Variants in UBE4A observed in about 807,000 individuals in gnomAD.
The protein encoded by UBE4A is ubiquitination factor E4A.
A neutral mutation model predicts 117.9 loss-of-function variants in UBE4A; 48 were observed. The ratio of observed to expected loss-of-function variants is 0.41; its 90% CI spans 0.32 to 0.52. The LOEUF is 0.52. Among genes scored for constraint, UBE4A ranks in the 20% least tolerant of loss-of-function variants. The probability of loss-of-function intolerance (pLI) is 0.33; values close to 1 mark genes in which losing one functional copy is unlikely to be tolerated. For synonymous variants in UBE4A, 407 were observed against 450.0 expected (o/e 0.90, Z 1.21); for missense variants, 1,067 against 1,296.3 (o/e 0.82, Z 2.72).
intron 19 of UBE4A, among the ~76,000 whole-genome samples, chr11:118,393,186 G>T (rs1439998325): frequency 2.0e-5 from 3 of 152,122 alleles, no homozygotes; most frequent in Non-Finnish European, 4.4e-5. Flanking sequence ...GGAGGCCGAG[G>T]CAGGTGGATC....
intron 19 of UBE4A, among the ~76,000 whole-genome samples, chr11:118,393,947 C>T (rs942043339): frequency 6.6e-6 from 1 of 152,122 alleles, no homozygotes; most frequent in African/African-American, 2.4e-5. Flanking sequence ...GATTAACTCA[C>T]GTTCTGTTGC....
In UBE4A at chr11:118,390,669, T is replaced by C; in HGVS notation, c.2781T>C (p.Asn927=). ...TIYLNLGDEE[N]FCATVPKDGR... Reference sequence around the variant, plus strand: ...GCTAATGTTCCAGGGATGAGGAGAATTTCTGTGCCACTGTGCCCAAGGATG... The same window carrying C: ...GCTAATGTTCCAGGGATGAGGAGAACTTCTGTGCCACTGTGCCCAAGGATG... The change falls in exon 18 of 20, where the codon AAT becomes AAC. Residue 927 remains asparagine (N), a synonymous_variant. Transcript: ENST00000252108. 1.3e-6 allele frequency: 2 copies of C among 1,519,280 alleles called. No homozygotes were observed. The highest frequency in any genetic ancestry group is 1.8e-6 in the Non-Finnish European group (2 of 1,137,794). The allele number at this position is 1,519,280 out of a possible 1,614,324, so 94.1% of individuals were successfully genotyped here.
At chr11:118,370,667 G>A (rs1032807626) in intron 4 of UBE4A, among the ~76,000 whole-genome samples, 14 of 151,946 alleles carry the variant, frequency 9.2e-5, no homozygotes, top group Non-Finnish European at 1.9e-4. Context: ...ATAAAGAAAA[G>A]TTTATTTAGC....
intron 1 of UBE4A, among the ~76,000 whole-genome samples, chr11:118,361,495 C>A (rs537183279): frequency 1.3e-4 from 20 of 152,260 alleles, no homozygotes; most frequent in African/African-American, 4.6e-4. Flanking sequence ...AGTGATCAGT[C>A]CTCCTTTTTC....
At chr11:118,391,750 T>C (rs572291300) in intron 18 of UBE4A, among the ~76,000 whole-genome samples, 24 of 140,690 alleles carry the variant, frequency 1.7e-4, no homozygotes, top group African/African-American at 6.2e-4. Context: ...GCCAAGATAG[T>C]GCCACTGCAC....
intron 12 of UBE4A, 107 bp from the exon 13 acceptor site, chr11:118,382,482 T>A: frequency 1.1e-6 from 1 of 922,554 alleles, no homozygotes; most frequent in Non-Finnish European, 1.4e-6. Flanking sequence ...TCCTTTTTTT[T>A]CCTGTAATAT....
At chr11:118,371,728 G>A (rs1948611847) in intron 5 of UBE4A, 62 bp downstream of exon 5, 19 of 1,518,062 alleles carry the variant, frequency 1.3e-5, no homozygotes, top group Non-Finnish European at 1.7e-5. Context: ...CAGCATGTGG[G>A]CCAGAGTTGG....
At chr11:118,360,766 CAG>C (rs1271524820) in intron 1 of UBE4A, among the ~76,000 whole-genome samples, 1 of 152,156 alleles carries the variant, frequency 6.6e-6, no homozygotes, top group Middle Eastern at 3.4e-3. Flanking sequence ...GAGGAAGTGA[CAG>C]AATTTTGTAG....
Position 118,393,372 on chromosome 11 carries a change from G to A in UBE4A, c.3074+477G>A, listed in dbSNP as rs75100748. 1.1e-4 allele frequency among the ~76,000 whole-genome samples: 16 copies of A among 152,070 alleles called. 1 individual carries two copies. Among genetic ancestry groups the A allele is most frequent in the South Asian group, 8.3e-4 (4 of 4,834 alleles). On this transcript the variant is annotated intron_variant, in intron 19 of 19. Transcript: ENST00000252108. ...GCAGAGGTTGCAATGAGCCGAGATC[G>A]CACCACTGCACTCCAGCCTGGGCTC... is the stretch of plus-strand genomic sequence containing the variant.
chr11:118,396,543 T>TTTTA lies in UBE4A; in HGVS notation c.*106_*107insATTT. ...CTGTTCCTTTTCTTTCTTCTTTTCTTTTTCTTTTTTTTTTTTTTTTTTACT... is the reference window on the plus strand; with the variant it reads ...CTGTTCCTTTTCTTTCTTCTTTTCTTTTTATTTCTTTTTTTTTTTTTTTTTTACT... On this transcript the variant is annotated 3_prime_UTR_variant, in exon 20 of 20. Transcript: ENST00000252108. 7.5e-7 allele frequency: 1 copy of TTTTA among 1,338,280 alleles called. No individual in the cohort carries two copies. The highest frequency in any genetic ancestry group is 9.9e-7 in the Non-Finnish European group (1 of 1,009,948). The allele number at this position is 1,338,280 out of a possible 1,614,324, so 82.9% of individuals were successfully genotyped here.
intron 15 of UBE4A, among the ~76,000 whole-genome samples, chr11:118,385,619 G>A (rs1555127085): frequency 6.6e-6 from 1 of 152,168 alleles, no homozygotes; most frequent in Admixed American, 6.5e-5. Context: ...GCTGTCTGTA[G>A]AGCAAAACTT....
intron 19 of UBE4A, 78 bp from the exon 20 acceptor site, chr11:118,396,236 G>T: frequency 6.6e-7 from 1 of 1,525,370 alleles, no homozygotes. Context: ...AAGATGCGAC[G>T]CCCAGGTGTT....
intron 1 of UBE4A, among the ~76,000 whole-genome samples, chr11:118,363,848 C>T (rs1474009460): frequency 6.6e-6 from 1 of 152,106 alleles, no homozygotes; most frequent in African/African-American, 2.4e-5. Flanking sequence ...GAACTCCTGA[C>T]CTCAGGTGAT....
Position 118,382,692 on chromosome 11 carries a change from C to T in UBE4A, c.2113C>T (p.Arg705Trp), listed in dbSNP as rs782158104. 6.2e-6 allele frequency: 10 copies of T among 1,605,596 alleles called. No individual in the cohort carries two copies. Among genetic ancestry groups the T allele is most frequent in the East Asian group, 2.2e-5 (1 of 44,518 alleles). Reference protein sequence around the residue: ...PNPLVSSVFHRKRVFCNFQYA... With the variant: ...PNPLVSSVFHWKRVFCNFQYA... ...TCCCTTGGTATCCAGTGTGTTCCAC[C>T]GGAAACGTGTGTTCTGCAACTTTCA... Residue 705 changes from arginine (R) to tryptophan (W), a missense_variant, in exon 13 of 20, where the codon CGG (arginine) becomes TGG (tryptophan). Arg to Trp is a moderately radical substitution (Grantham distance 101). Around this residue, in one of 3 missense-constraint regions of UBE4A, gnomAD observed 1,001 missense variants for 1,184.0 expected, o/e 0.85. Transcript: ENST00000252108.
intron 19 of UBE4A, among the ~76,000 whole-genome samples, chr11:118,395,166 T>C (rs1555129370): frequency 6.6e-6 from 1 of 150,936 alleles, no homozygotes; most frequent in African/African-American, 2.4e-5. Context: ...CCATCTCTAC[T>C]AAAAATACAA....
At position 118,396,093 on chromosome 11, in the gene UBE4A, CAAAAAAA is replaced by C. The variant is rs377030115; in HGVS notation, c.3075-211_3075-205del. Among the ~76,000 whole-genome samples, 42 of 80,686 alleles carry C rather than the reference CAAAAAAA, an allele frequency of 5.2e-4. 2 individuals carry two copies. Among genetic ancestry groups the C allele is most frequent in the African/African-American group, 1.1e-3 (24 of 22,424 alleles). The allele number at this position is 80,686 out of a possible 152,430, so 52.9% of individuals were successfully genotyped here. A position where few individuals can be genotyped will look rare whatever the true frequency, so the allele number is the denominator to read the frequency against. On this transcript the variant is annotated intron_variant, in intron 19 of 19. Transcript: ENST00000252108. ...CTGGGCGACAGGGCAAGACTGTCTCCAAAAAAAAAAAAAAAAGAAAGAAAGAAATAGA... is the reference window on the plus strand; with the variant it reads ...CTGGGCGACAGGGCAAGACTGTCTCCAAAAAAAAAGAAAGAAAGAAATAGA...
At chr11:118,396,100 A>G (rs1948869632) in intron 19 of UBE4A, among the ~76,000 whole-genome samples, 1 of 151,900 alleles carries the variant, frequency 6.6e-6, no homozygotes, top group Non-Finnish European at 1.5e-5. Flanking sequence ...CTCCAAAAAA[A>G]AAAAAAAAAG....
chr11:118,361,081 A>C (rs576891567), intron 1 of UBE4A, among the ~76,000 whole-genome samples: 1 of 146,064 alleles, frequency 6.8e-6, no homozygotes, highest in Non-Finnish European at 1.5e-5. Flanking sequence ...CAGTGGCACG[A>C]TCTCAGCTCA....
At position 118,379,462 on chromosome 11, in the gene UBE4A, G is replaced by T. The variant is rs1948681409; in HGVS notation, c.1588G>T (p.Val530Leu). Residue 530 changes from valine (V) to leucine (L), a missense_variant, in exon 11 of 20, where the codon GTA becomes TTA. Val to Leu is a conservative substitution (Grantham distance 32). Transcript: ENST00000252108. ...LGFHRLHDQM[V>L]KINQNLHRLQ... ...TGGGGGCAGGTTGCATGATCAGATG[G>T]TAAAAATCAACCAAAATCTGCATCG... 2 of 1,613,072 alleles carry T rather than the reference G, an allele frequency of 1.2e-6. No individual in the cohort carries two copies. Among genetic ancestry groups the T allele is most frequent in the African/African-American group, 1.3e-5 (1 of 75,024 alleles).
Sources: gnomAD v4.1 joint callset for allele counts (sites outside exome capture counted in the v4.1 genomes callset) on GRCh38, gnomAD v4.1.1 for gene constraint, gnomAD v4.1.1 regional missense constraint, MANE v1.5 for transcripts, NCBI Gene and HGNC (gene_info 2026-07-23, HGNC 2026-07-21) for gene names.